Variants in RALYL observed in about 807,000 individuals in gnomAD.
RALYL encodes the protein RNA-binding Raly-like protein.
Under a neutral mutation model 35.1 loss-of-function variants are expected in RALYL, and 29 were observed. The ratio of observed to expected loss-of-function variants is 0.83; its 90% confidence interval spans 0.61 to 1.13. The LOEUF is 1.13. Ranked by LOEUF, RALYL falls within the 50% of genes most tolerant of loss-of-function variation. RALYL has a pLI of 0.00. For synonymous variants in RALYL, 120 were observed against 127.6 expected (o/e 0.94, Z 0.40); for missense variants, 359 against 360.4 (o/e 1.00, Z 0.03).
intron 2 of RALYL, among the ~76,000 whole-genome samples, chr8:84,643,957 T>C (rs1025208645): frequency 1.3e-5 from 2 of 152,032 alleles, no homozygotes; most frequent in African/African-American, 4.8e-5. Context: ...ACAGCCTTCA[T>C]GTAATCTCTG....
At chr8:84,687,848 T>A (rs1837154126) in intron 2 of RALYL, among the ~76,000 whole-genome samples, 1 of 152,146 alleles carries the variant, frequency 6.6e-6, no homozygotes, top group Non-Finnish European at 1.5e-5. Context: ...ATGACTGTTA[T>A]AATGCAAGCT....
intron 1 of RALYL, among the ~76,000 whole-genome samples, chr8:84,232,011 C>CA (rs1419528627): frequency 1.2e-4 from 18 of 151,518 alleles, no homozygotes; most frequent in Non-Finnish European, 2.2e-4. Context: ...CAGATTATTC[C>CA]AAAAAAAGGC....
intron 2 of RALYL, among the ~76,000 whole-genome samples, chr8:84,538,226 C>A (rs1258686629): frequency 6.6e-6 from 1 of 152,086 alleles, no homozygotes; most frequent in Non-Finnish European, 1.5e-5. Context: ...AATCACTGAA[C>A]CTAAATTAGC....
chr8:84,705,860 C>T, intron 2 of RALYL: 2 of 1,369,352 alleles, frequency 1.5e-6, no homozygotes, highest in Non-Finnish European at 1.9e-6. Flanking sequence ...TGTAGCATCT[C>T]CCCTGTAATT....
intron 1 of RALYL, among the ~76,000 whole-genome samples, chr8:84,391,021 T>C (rs1860560267): frequency 6.6e-6 from 1 of 151,988 alleles, no homozygotes; most frequent in Non-Finnish European, 1.5e-5. Context: ...TGGCTGCACA[T>C]CTCTGCAGCT....
At chr8:84,653,473 G>A (rs569161369) in intron 2 of RALYL, among the ~76,000 whole-genome samples, 2 of 152,080 alleles carry the variant, frequency 1.3e-5, no homozygotes, top group African/African-American at 4.8e-5. Flanking sequence ...CTTTCCTGAA[G>A]CATATTAAGC....
chr8:84,428,334 A>G (rs1186500829), intron 1 of RALYL, among the ~76,000 whole-genome samples: 3 of 152,208 alleles, frequency 2.0e-5, no homozygotes, highest in Admixed American at 6.5e-5. Flanking sequence ...TTCTATAAAC[A>G]TAAAAATTCC....
rs869249552 is a variant in RALYL at position 84,428,106 on chromosome 8, TCACACACACA to T, written c.-23-101165_-23-101156del. On this transcript the variant is annotated intron_variant, in intron 1 of 8. Coordinates refer to ENST00000521268, the MANE Select transcript of RALYL (RefSeq NM_173848.7). ...CTCTCTCTCTCTCTCTCTCTCTCTC[TCACACACACA>T]CACACACACACACACACACACACAC... is the stretch of plus-strand genomic sequence containing the variant. Among the ~76,000 whole-genome samples the T allele has an allele frequency of 7.9e-5, 10 of 127,340 alleles. 1 individual carries two copies. The highest frequency in any genetic ancestry group is 2.8e-4 in the South Asian group (1 of 3,630). The allele number at this position is 127,340 out of a possible 152,430, so 83.5% of individuals were successfully genotyped here. A position where few individuals can be genotyped will look rare whatever the true frequency, so the allele number is the denominator to read the frequency against.
At chr8:84,722,340 A>G (rs1844083860) in intron 2 of RALYL, among the ~76,000 whole-genome samples, 1 of 151,980 alleles carries the variant, frequency 6.6e-6, no homozygotes, top group Non-Finnish European at 1.5e-5. Flanking sequence ...ACTGAAGACA[A>G]AATATTGTAT....
At chr8:84,709,292 A>G (rs1841755039) in intron 2 of RALYL, among the ~76,000 whole-genome samples, 1 of 152,100 alleles carries the variant, frequency 6.6e-6, no homozygotes, top group South Asian at 2.1e-4. Flanking sequence ...CATTGACTAG[A>G]TAATGGTGGC....
intron 1 of RALYL, among the ~76,000 whole-genome samples, chr8:84,245,780 A>G (rs1472101): frequency 0.46 from 70,525 of 151,788 alleles, 16,563 homozygotes; most frequent in East Asian, 0.52. Flanking sequence ...GGGTGGGTGG[A>G]GTGACAGGTT....
intron 1 of RALYL, among the ~76,000 whole-genome samples, chr8:84,513,528 A>T (rs1409226709): frequency 6.6e-6 from 1 of 152,174 alleles, no homozygotes; most frequent in Non-Finnish European, 1.5e-5. Flanking sequence ...TAAACATGTA[A>T]TCTCAAGTAA....
intron 2 of RALYL, among the ~76,000 whole-genome samples, chr8:84,720,145 G>GA (rs1268771040): frequency 6.6e-6 from 1 of 151,720 alleles, no homozygotes; most frequent in Non-Finnish European, 1.5e-5. Flanking sequence ...TGTTGAAATA[G>GA]AAAAAAACTC....
intron 2 of RALYL, among the ~76,000 whole-genome samples, chr8:84,720,683 A>G (rs1291223806): frequency 6.6e-6 from 1 of 152,188 alleles, no homozygotes; most frequent in African/African-American, 2.4e-5. Flanking sequence ...AAAGGAAACA[A>G]TCAACAGAGT....
chr8:84,663,098 C>T (rs532862553), intron 2 of RALYL, among the ~76,000 whole-genome samples: 1 of 152,212 alleles, frequency 6.6e-6, no homozygotes, highest in South Asian at 2.1e-4. Flanking sequence ...GTTTTCTGTT[C>T]CTGTGTTAGT....
chr8:84,821,136 A>C (rs141049606), intron 4 of RALYL, among the ~76,000 whole-genome samples: 3 of 152,308 alleles, frequency 2.0e-5, no homozygotes, highest in African/African-American at 7.2e-5. Flanking sequence ...CTGAATTTTC[A>C]ATTAAATAAT....
At chr8:84,706,011 A>C (rs549945009) in intron 2 of RALYL, 44 of 1,535,056 alleles carry the variant, frequency 2.9e-5, no homozygotes, top group Non-Finnish European at 3.7e-5. Flanking sequence ...TAGAAAGTCT[A>C]ATTTTTTTCA....
At chr8:84,219,018 G>A (rs754984705) in intron 1 of RALYL, among the ~76,000 whole-genome samples, 1 of 152,004 alleles carries the variant, frequency 6.6e-6, no homozygotes, top group African/African-American at 2.4e-5. Context: ...ATAAAATTTA[G>A]TGCCCTCTTG....
intron 1 of RALYL, among the ~76,000 whole-genome samples, chr8:84,239,700 A>T (rs1207597589): frequency 6.6e-6 from 1 of 152,068 alleles, no homozygotes; most frequent in Non-Finnish European, 1.5e-5. Context: ...AGACCACCCC[A>T]GCCAACATGG....
Sources: allele counts gnomAD v4.1 joint callset (sites outside exome capture counted in the v4.1 genomes callset), GRCh38; gene constraint gnomAD v4.1.1; transcripts MANE v1.5; gene names NCBI Gene and HGNC (gene_info 2026-07-23, HGNC 2026-07-21).